PTPRD: variants seen among roughly 807,000 people sequenced by gnomAD.
The protein encoded by PTPRD is receptor-type tyrosine-protein phosphatase delta.
PTPRD carries 34 observed loss-of-function variants against 214.5 expected under a neutral mutation model. The ratio of observed to expected loss-of-function variants is 0.16; its 90% CI spans 0.12 to 0.21. The LOEUF (loss-of-function observed/expected upper bound fraction) is 0.21. PTPRD is among the 10% of genes least tolerant of loss of function. The pLI is 1.00. For missense variants in PTPRD, 2,545 were observed against 2,398.7 expected (o/e 1.06, Z -1.27); for synonymous variants, 1,128 against 845.7 (o/e 1.33, Z -5.79).
At chr9:9,661,173 T>C (rs2096615440) in intron 7 of PTPRD, among the ~76,000 whole-genome samples, 1 of 151,826 alleles carries the variant, frequency 6.6e-6, no homozygotes, top group Non-Finnish European at 1.5e-5. Context: ...CTATGCAAAT[T>C]TTCTATAAAT....
chr9:9,358,431 T>C (rs1455471950), intron 9 of PTPRD, among the ~76,000 whole-genome samples: 1 of 151,314 alleles, frequency 6.6e-6, no homozygotes, highest in East Asian at 1.9e-4. Flanking sequence ...CTATAATACT[T>C]TAATAAATAT....
chr9:10,131,136 T>C (rs1405298468), intron 3 of PTPRD, among the ~76,000 whole-genome samples: 1 of 152,068 alleles, frequency 6.6e-6, no homozygotes, highest in Non-Finnish European at 1.5e-5. Flanking sequence ...CTGGGAGGAA[T>C]AAAGAGAGTG....
intron 11 of PTPRD, among the ~76,000 whole-genome samples, chr9:8,982,477 T>C (rs576523740): frequency 6.6e-6 from 1 of 151,570 alleles, no homozygotes; most frequent in East Asian, 2.0e-4. Context: ...TTAATCACTG[T>C]AAATGGATTC....
intron 8 of PTPRD, among the ~76,000 whole-genome samples, chr9:9,460,746 C>A (rs185956219): frequency 1.3e-5 from 2 of 151,884 alleles, no homozygotes; most frequent in African/African-American, 4.8e-5. Context: ...GTTCAACCCC[C>A]TATGGAAAAC....
intron 9 of PTPRD, among the ~76,000 whole-genome samples, chr9:9,184,714 C>G (rs1049036128): frequency 6.6e-6 from 1 of 152,040 alleles, no homozygotes; most frequent in African/African-American, 2.4e-5. Flanking sequence ...CCCGTGGATA[C>G]AGCAACTAGT....
chr9:8,507,064 G>C (rs909022089), intron 22 of PTPRD, among the ~76,000 whole-genome samples: 3 of 151,756 alleles, frequency 2.0e-5, no homozygotes, highest in Non-Finnish European at 2.9e-5. Context: ...AGGAACAAGA[G>C]TTATTTTGTT....
At chr9:9,933,171 A>C (rs1350275311) in intron 5 of PTPRD, among the ~76,000 whole-genome samples, 1 of 152,270 alleles carries the variant, frequency 6.6e-6, no homozygotes, top group East Asian at 1.9e-4. Context: ...TGCATCAACT[A>C]ACGTGCAAAA....
In PTPRD at chr9:8,928,677, C is replaced by CT. The variant is rs1279412936; in HGVS notation, c.-104+90019dup. Among the ~76,000 whole-genome samples the CT allele has an allele frequency of 5.3e-5, 8 of 152,092 alleles. No individual in the cohort carries two copies. The East Asian group carries it at 1.4e-3, about 26-fold the overall frequency. ...TAGTATTATCTTGGCTATATGGGCTCTTTTTTTGTTCCATATGAAATTTAA... is the reference window on the plus strand; with the variant it reads ...TAGTATTATCTTGGCTATATGGGCTCTTTTTTTTGTTCCATATGAAATTTAA... On this transcript the variant is annotated intron_variant, in intron 11 of 45. Transcript: ENST00000381196.
chr9:9,292,223 T>C (rs1436000874), intron 9 of PTPRD, among the ~76,000 whole-genome samples: 1 of 151,316 alleles, frequency 6.6e-6, no homozygotes, highest in African/African-American at 2.4e-5. Context: ...TATCATCTCA[T>C]TCACTTGAAA....
At chr9:9,327,282 C>A (rs1460316583) in intron 9 of PTPRD, among the ~76,000 whole-genome samples, 1 of 152,172 alleles carries the variant, frequency 6.6e-6, no homozygotes, top group Non-Finnish European at 1.5e-5. Flanking sequence ...TCTGCTACTT[C>A]TTTTGGAATA....
At chr9:8,581,561 A>C (rs2154251991) in intron 14 of PTPRD, among the ~76,000 whole-genome samples, 1 of 152,072 alleles carries the variant, frequency 6.6e-6, no homozygotes, top group South Asian at 2.1e-4. Flanking sequence ...ATTCTGGCTA[A>C]CACAGTGAAA....
At chr9:10,162,010 T>A (rs532716781) in intron 3 of PTPRD, among the ~76,000 whole-genome samples, 22 of 151,684 alleles carry the variant, frequency 1.5e-4, no homozygotes, top group African/African-American at 4.1e-4. Context: ...TTTACCCTAG[T>A]TAAAATGGTA....
chr9:10,224,003 T>C (rs1478018508), intron 3 of PTPRD, among the ~76,000 whole-genome samples: 1 of 151,760 alleles, frequency 6.6e-6, no homozygotes, highest in African/African-American at 2.4e-5. Context: ...TTACGTTGAT[T>C]TGAAAATTAT....
intron 30 of PTPRD, among the ~76,000 whole-genome samples, chr9:8,482,627 T>C (rs1054320231): frequency 6.6e-6 from 1 of 152,194 alleles, no homozygotes; most frequent in African/African-American, 2.4e-5. Flanking sequence ...AATGGAATTT[T>C]ATTATGTATT....
chr9:9,110,852 A>G (rs1246516269), intron 10 of PTPRD, among the ~76,000 whole-genome samples: 1 of 152,154 alleles, frequency 6.6e-6, no homozygotes, highest in Non-Finnish European at 1.5e-5. Flanking sequence ...ACTAGAATGT[A>G]GCCACAATCA....
At chr9:10,351,855 G>C (rs2097189012) in intron 2 of PTPRD, among the ~76,000 whole-genome samples, 3 of 152,024 alleles carry the variant, frequency 2.0e-5, no homozygotes, top group East Asian at 3.9e-4. Context: ...ATGGTACTTT[G>C]ATAGTGAAAG....
intron 8 of PTPRD, among the ~76,000 whole-genome samples, chr9:9,489,219 C>T (rs944521905): frequency 6.6e-6 from 1 of 152,148 alleles, no homozygotes; most frequent in Non-Finnish European, 1.5e-5. Context: ...ACACCTGCAA[C>T]TGATCCTTGG....
intron 10 of PTPRD, among the ~76,000 whole-genome samples, chr9:9,033,430 C>A (rs2099611890): frequency 6.6e-6 from 1 of 152,034 alleles, no homozygotes; most frequent in African/African-American, 2.4e-5. Context: ...CAATCATTCC[C>A]ACATCTCAGA....
At chr9:10,382,179 T>C (rs2097840138) in intron 2 of PTPRD, among the ~76,000 whole-genome samples, 1 of 151,938 alleles carries the variant, frequency 6.6e-6, no homozygotes, top group Admixed American at 6.6e-5. Flanking sequence ...ATCTTTCTAA[T>C]ACGTAATAGC....
Sources: allele counts gnomAD v4.1 joint callset (sites outside exome capture counted in the v4.1 genomes callset), GRCh38; gene constraint gnomAD v4.1.1; transcripts MANE v1.5; gene names NCBI Gene and HGNC (gene_info 2026-07-23, HGNC 2026-07-21).